Variants in FBXL2 observed in about 807,000 individuals in gnomAD.
The protein encoded by FBXL2 is F-box/LRR-repeat protein 2.
A neutral mutation model predicts 69.2 loss-of-function variants in FBXL2; 38 were observed. The observed-to-expected ratio is 0.55, with a 90% confidence interval of 0.42 to 0.72. The LOEUF (loss-of-function observed/expected upper bound fraction) is 0.72. Among genes scored for constraint, FBXL2 ranks in the 30% least tolerant of loss-of-function variants. FBXL2 has a pLI of 0.00. For synonymous variants in FBXL2, 192 were observed against 201.3 expected, an observed-to-expected ratio of 0.95 and a Z score of 0.39; for missense variants, 354 against 520.3, an observed-to-expected ratio of 0.68 and a Z score of 3.11.
intron 2 of FBXL2, among the ~76,000 whole-genome samples, chr3:33,357,446 A>C (rs1040720727): frequency 6.6e-6 from 1 of 151,706 alleles, no homozygotes; most frequent in Non-Finnish European, 1.5e-5. Context: ...AGATGTGTAG[A>C]TATCCTAAAA....
chr3:33,401,044 G>A (rs2044209262), intron 12 of FBXL2: 3 of 1,575,040 alleles, frequency 1.9e-6, no homozygotes, highest in Non-Finnish European at 2.6e-6. Flanking sequence ...AGAAGGAAAT[G>A]ATGATTTTTA....
intron 2 of FBXL2, among the ~76,000 whole-genome samples, chr3:33,334,319 T>G (rs1278342007): frequency 6.6e-6 from 1 of 152,116 alleles, no homozygotes; most frequent in Non-Finnish European, 1.5e-5. Flanking sequence ...GATGTAAGGA[T>G]TGAAGAGATG....
chr3:33,396,863 C>G, intron 12 of FBXL2: 1 of 695,998 alleles, frequency 1.4e-6, no homozygotes, highest in Non-Finnish European at 2.6e-6. Context: ...GTGCCTGCAT[C>G]ATATCTGGGC....
the FBXL2 span, among the ~76,000 whole-genome samples, chr3:33,412,174 G>A: frequency 2.4e-4 from 27 of 113,894 alleles, no homozygotes; most frequent in Admixed American, 2.2e-3. Flanking sequence ...GCAACAGAGC[G>A]AAACTCCGTC....
intron 5 of FBXL2, among the ~76,000 whole-genome samples, chr3:33,369,056 AT>A (rs200087201): frequency 0.27 from 37,855 of 141,770 alleles, 5,202 homozygotes; most frequent in East Asian, 0.48. Context: ...CTTCTTTTAG[AT>A]TTTTTTTTTT....
intron 10 of FBXL2, 33 bp downstream of exon 10, chr3:33,375,451 A>G (rs200654952): frequency 6.2e-7 from 1 of 1,601,764 alleles, no homozygotes; most frequent in South Asian, 1.1e-5. Flanking sequence ...TTTGCAGCTC[A>G]GAGTTTGGCT....
chr3:33,292,059 G>C (rs1380570176), intron 1 of FBXL2, among the ~76,000 whole-genome samples: 1 of 152,128 alleles, frequency 6.6e-6, no homozygotes, highest in Non-Finnish European at 1.5e-5. Flanking sequence ...TAGAAAAAAG[G>C]ATCATCTATA....
the FBXL2 span, among the ~76,000 whole-genome samples, chr3:33,421,019 T>G: frequency 6.6e-6 from 1 of 152,238 alleles, no homozygotes; most frequent in Non-Finnish European, 1.5e-5. Flanking sequence ...TAGGGGCTGA[T>G]CCAGCAGTAG....
At chr3:33,395,416 TA>T (rs2043936201) in intron 12 of FBXL2, among the ~76,000 whole-genome samples, 1 of 151,850 alleles carries the variant, frequency 6.6e-6, no homozygotes, top group Admixed American at 6.6e-5. Flanking sequence ...ATCCATACAA[TA>T]AATGAGAAAA....
At chr3:33,396,101 C>A in intron 12 of FBXL2, 1 of 1,427,282 alleles carries the variant, frequency 7.0e-7, no homozygotes, top group South Asian at 1.4e-5. Flanking sequence ...TCAATCGAGT[C>A]CTTTCCGTTT....
At chr3:33,395,208 AAAGT>A (rs766163144) in intron 12 of FBXL2, among the ~76,000 whole-genome samples, 1 of 152,240 alleles carries the variant, frequency 6.6e-6, no homozygotes, top group African/African-American at 2.4e-5. Flanking sequence ...ACCAAATAGA[AAAGT>A]TCACAGTAGT....
downstream of FBXL2, chr3:33,388,767 C>T (rs375044770): frequency 3.9e-5 from 6 of 152,140 alleles, no homozygotes; most frequent in East Asian, 7.7e-4. Context: ...ATTTTCAAAT[C>T]GATGATGAAA....
chr3:33,320,238 G>T (rs964231810), intron 2 of FBXL2, among the ~76,000 whole-genome samples: 4 of 152,102 alleles, frequency 2.6e-5, no homozygotes, highest in Admixed American at 6.5e-5. Flanking sequence ...AAACAGTAAG[G>T]TATTTGGCAT....
chr3:33,299,563 T>G (rs2036078726), intron 2 of FBXL2, among the ~76,000 whole-genome samples: 1 of 152,192 alleles, frequency 6.6e-6, no homozygotes, highest in Non-Finnish European at 1.5e-5. Flanking sequence ...TTTGCTGTCA[T>G]CAGGTTATTA....
chr3:33,375,498 G>T (rs936077184), intron 10 of FBXL2, 80 bp downstream of exon 10: 2 of 1,528,328 alleles, frequency 1.3e-6, no homozygotes, highest in Non-Finnish European at 1.8e-6. Flanking sequence ...GAGAGGACAG[G>T]CTTGCCAGGT....
At chr3:33,403,107 T>C (rs1290281898) in intron 12 of FBXL2, 2 of 520,906 alleles carry the variant, frequency 3.8e-6, no homozygotes, top group Non-Finnish European at 6.9e-6. Flanking sequence ...TAGACACTGA[T>C]TAATCTTAGA....
chr3:33,416,945 T>C, the FBXL2 span: 2 of 929,480 alleles, frequency 2.2e-6, no homozygotes, highest in Non-Finnish European at 3.3e-6. Context: ...TGATAGTTTG[T>C]TAATTTGCTA....
chr3:33,411,850 C>T, the FBXL2 span, among the ~76,000 whole-genome samples: 4 of 152,080 alleles, frequency 2.6e-5, no homozygotes, highest in African/African-American at 7.2e-5. Flanking sequence ...CCACCCTAAA[C>T]GAATATCATC....
At chr3:33,409,708 T>A in the FBXL2 span, 2 of 1,400,724 alleles carry the variant, frequency 1.4e-6, no homozygotes, top group Non-Finnish European at 2.0e-6. Context: ...CAAGATCCTT[T>A]AAAATAAACT....
Sources: allele counts gnomAD v4.1 joint callset (sites outside exome capture counted in the v4.1 genomes callset), GRCh38; gene constraint gnomAD v4.1.1; transcripts MANE v1.5; gene names NCBI Gene and HGNC (gene_info 2026-07-23, HGNC 2026-07-21).